Variants in PTPRG observed in about 807,000 individuals in gnomAD.
PTPRG encodes the protein receptor-type tyrosine-protein phosphatase gamma.
PTPRG carries 102 observed loss-of-function variants against 165.3 expected under a neutral mutation model. That is an observed-to-expected ratio of 0.62 (90% CI 0.53 to 0.73). The LOEUF (loss-of-function observed/expected upper bound fraction) is 0.73, where lower values mean the gene tolerates loss of function less well. PTPRG is among the 30% of genes least tolerant of loss of function. PTPRG has a pLI of 0.00. For synonymous variants in PTPRG, 675 were observed against 669.5 expected (o/e 1.01, Z -0.13); for missense variants, 1,866 against 1,861.4 (o/e 1.00, Z -0.05).
chr3:62,284,366 ATCAGATGTATACAGGCC>A (rs950591376), intron 28 of PTPRG, among the ~76,000 whole-genome samples: 4 of 152,174 alleles, frequency 2.6e-5, no homozygotes, highest in African/African-American at 9.6e-5. Context: ...TCCAGAATTA[ATCAGATGTATACAGGCC>A]TCATTCTTAG....
intron 1 of PTPRG, among the ~76,000 whole-genome samples, chr3:61,740,240 C>G (rs2032925177): frequency 6.6e-6 from 1 of 152,218 alleles, no homozygotes; most frequent in Non-Finnish European, 1.5e-5. Flanking sequence ...AGATTTGTTT[C>G]CTTGAGAATC....
intron 13 of PTPRG, among the ~76,000 whole-genome samples, chr3:62,227,059 T>C (rs1700779783): frequency 6.6e-6 from 1 of 152,140 alleles, no homozygotes; most frequent in African/African-American, 2.4e-5. Flanking sequence ...GTTGGCATAA[T>C]GGAGGCTCAG....
chr3:61,933,660 CA>C (rs200689808), intron 2 of PTPRG, among the ~76,000 whole-genome samples: 2,646 of 146,520 alleles, frequency 0.018, 46 homozygotes, highest in South Asian at 0.082. Flanking sequence ...GAGTGTGACT[CA>C]ACATTGACGG....
intron 1 of PTPRG, among the ~76,000 whole-genome samples, chr3:61,684,504 A>G (rs971928487): frequency 1.3e-5 from 2 of 152,204 alleles, no homozygotes; most frequent in African/African-American, 2.4e-5. Context: ...TGAGAGAAAC[A>G]AAGGGAACAC....
intron 2 of PTPRG, among the ~76,000 whole-genome samples, chr3:61,844,312 GA>G (rs1449706990): frequency 6.6e-6 from 1 of 152,168 alleles, no homozygotes; most frequent in East Asian, 1.9e-4. Context: ...CACTACTGAT[GA>G]AATGGCGTAT....
intron 3 of PTPRG, among the ~76,000 whole-genome samples, chr3:61,995,046 GTTT>G (rs751667692): frequency 7.9e-6 from 1 of 126,604 alleles, no homozygotes; most frequent in Non-Finnish European, 1.7e-5. Context: ...TACCTTACAG[GTTT>G]TTTTTTTCTT....
intron 4 of PTPRG, among the ~76,000 whole-genome samples, chr3:62,038,753 A>G (rs532158042): frequency 1.3e-5 from 2 of 152,278 alleles, no homozygotes; most frequent in East Asian, 1.9e-4. Flanking sequence ...GCCTATGTAC[A>G]TATATGGAGA....
intron 2 of PTPRG, among the ~76,000 whole-genome samples, chr3:61,895,024 T>G (rs2038314545): frequency 6.6e-6 from 1 of 152,162 alleles, no homozygotes; most frequent in Non-Finnish European, 1.5e-5. Flanking sequence ...CCCCCATAGC[T>G]GTGACAACCA....
intron 2 of PTPRG, among the ~76,000 whole-genome samples, chr3:61,761,129 C>A (rs1460158556): frequency 1.3e-5 from 2 of 152,128 alleles, no homozygotes. Flanking sequence ...AATGGGATTG[C>A]TGGGTCTAAT....
intron 8 of PTPRG, among the ~76,000 whole-genome samples, chr3:62,187,112 A>T (rs961307434): frequency 1.3e-5 from 2 of 152,274 alleles, no homozygotes; most frequent in African/African-American, 4.8e-5. Flanking sequence ...GAACCAGACA[A>T]GACAGAAAAG....
chr3:62,000,935 G>T (rs1042838740), intron 3 of PTPRG, among the ~76,000 whole-genome samples: 36 of 152,216 alleles, frequency 2.4e-4, no homozygotes, highest in African/African-American at 8.4e-4. Flanking sequence ...AGGCACTGCA[G>T]TAATTATCAC....
intron 1 of PTPRG, among the ~76,000 whole-genome samples, chr3:61,606,344 G>T (rs1575532988): frequency 1.3e-5 from 2 of 152,174 alleles, no homozygotes; most frequent in Admixed American, 6.5e-5. Flanking sequence ...GGTGGTGGGG[G>T]TGCGGGGTGT....
At chr3:62,167,585 C>T (rs968362733) in intron 7 of PTPRG, among the ~76,000 whole-genome samples, 1 of 152,062 alleles carries the variant, frequency 6.6e-6, no homozygotes, top group Admixed American at 6.5e-5. Flanking sequence ...GTATTCATAC[C>T]CAGGCAGTCT....
rs151090262 is a variant in PTPRG, at chr3:62,203,412, G to A, written c.1617G>A (p.Pro539=). The part of the protein sequence containing the change: ...FPSTVWPTRL[P]TAASASKQAA... ...GCACTGTGTGGCCCACGCGCCTCCC[G>A]ACGGCCGCCTCAGCCAGCAAGCAGG... Residue 539 remains proline (P), a synonymous_variant, in exon 12 of 30, where the codon CCG becomes CCA. Transcript: ENST00000474889. This position sits in a 1 kb window ranked among gnomAD's most constrained non-coding sequence, Gnocchi z 6.4. 5.6e-4 allele frequency: 906 copies of A among 1,610,434 alleles called. 2 individuals are homozygous for A. The highest frequency in any genetic ancestry group is 8.2e-4 in the Middle Eastern group (5 of 6,076).
chr3:61,662,805 T>C (rs918758684), intron 1 of PTPRG, among the ~76,000 whole-genome samples: 2 of 152,144 alleles, frequency 1.3e-5, no homozygotes, highest in African/African-American at 4.8e-5. Context: ...TCTGTTCCAG[T>C]AGCATTTTAA....
intron 2 of PTPRG, among the ~76,000 whole-genome samples, chr3:61,884,099 A>G (rs1027160134): frequency 7.2e-5 from 11 of 152,214 alleles, no homozygotes; most frequent in African/African-American, 2.7e-4. Context: ...TAGGACATTT[A>G]TAGTCACCTC....
chr3:61,687,464 G>C (rs1313045569), intron 1 of PTPRG, among the ~76,000 whole-genome samples: 1 of 152,212 alleles, frequency 6.6e-6, no homozygotes, highest in Non-Finnish European at 1.5e-5. Context: ...CTTTGGGGCT[G>C]TACATTAAGA....
At chr3:61,767,239 T>TGAAAAAGAAAAAAAAAA (rs1371380259) in intron 2 of PTPRG, among the ~76,000 whole-genome samples, 1 of 73,098 alleles carries the variant, frequency 1.4e-5, no homozygotes, top group African/African-American at 4.9e-5. Context: ...AGATTCCATC[T>TGAAAAAGAAAAAAAAAA]CAAAAAAAAA....
At chr3:61,610,916 C>T (rs968097432) in intron 1 of PTPRG, among the ~76,000 whole-genome samples, 2 of 152,090 alleles carry the variant, frequency 1.3e-5, no homozygotes, top group African/African-American at 2.4e-5. Context: ...AAGTGATTCT[C>T]CTGCCTCAGC....
Sources: gnomAD v4.1 joint callset for allele counts (sites outside exome capture counted in the v4.1 genomes callset) on GRCh38, gnomAD v4.1.1 for gene constraint, Gnocchi (gnomAD v3.1) non-coding constraint, MANE v1.5 for transcripts, NCBI Gene and HGNC (gene_info 2026-07-23, HGNC 2026-07-21) for gene names.